COL12A1: variants seen among roughly 807,000 people sequenced by gnomAD.
COL12A1 encodes collagen type XII alpha 1 chain.
Under a neutral mutation model 349.7 loss-of-function variants are expected in COL12A1, and 114 were observed. That is an observed-to-expected ratio of 0.33 (90% CI 0.28 to 0.38). COL12A1 has a LOEUF of 0.38. Ranked by LOEUF, COL12A1 falls within the 10% of genes least tolerant of loss-of-function variation. The probability of loss-of-function intolerance (pLI) is 1.00; values close to 1 mark genes in which losing one functional copy is unlikely to be tolerated. For missense variants in COL12A1, 3,284 were observed against 3,756.9 expected (o/e 0.87, Z 3.29); for synonymous variants, 1,369 against 1,329.0 (o/e 1.03, Z -0.66).
chr6:75,179,896 A>C (rs1769172857), intron 11 of COL12A1, among the ~76,000 whole-genome samples: 1 of 152,260 alleles, frequency 6.6e-6, no homozygotes, highest in African/African-American at 2.4e-5. Flanking sequence ...TACACATGTA[A>C]ACAAATACTG....
At position 75,154,796 on chromosome 6, in the gene COL12A1, C is replaced by A. The variant is rs1009427754; in HGVS notation, c.3444-259G>T. ...TTCACAGCACTGGTTTCTGTCTTGC[C>A]TTTCTAGCAGATGCAGAGTCTCTAC... On this transcript the variant is annotated intron_variant, in intron 16 of 65. Coordinates refer to ENST00000322507, the MANE Select transcript of COL12A1 (RefSeq NM_004370.6). 2.0e-5 allele frequency among the ~76,000 whole-genome samples: 3 copies of A among 152,174 alleles called. No individual in the cohort carries two copies. In the South Asian group the frequency reaches 6.2e-4, roughly 32 times the overall value.
At chr6:75,102,514 G>T in intron 56 of COL12A1, 83 bp downstream of exon 56, 2 of 1,119,928 alleles carry the variant, frequency 1.8e-6, no homozygotes, top group South Asian at 2.7e-5. Context: ...GAAAACATTT[G>T]ATTTGGCAAA....
In COL12A1 at chr6:75,192,251, C is replaced by G; in HGVS notation, c.295G>C (p.Glu99Gln). The change falls in exon 4 of 66, where the codon GAA (glutamate) becomes CAA (glutamine). Residue 99 changes from glutamate (E) to glutamine (Q), a missense_variant. By Grantham distance (29) the Glu-to-Gln change is conservative. Coordinates refer to ENST00000322507, the MANE Select transcript of COL12A1 (RefSeq NM_004370.6). Reference protein sequence around the residue: ...EYVVTITSYDEVEESVPVIGQ... With the variant: ...EYVVTITSYDQVEESVPVIGQ... ...ATAACTGGTACACTTTCTTCTACTTCATCATATGAAGTTATTGTCACCACA... is the reference window on the plus strand; with the variant it reads ...ATAACTGGTACACTTTCTTCTACTTGATCATATGAAGTTATTGTCACCACA... The G allele has an allele frequency of 6.2e-7, 1 of 1,608,418 alleles. No homozygotes were observed.
At chr6:75,178,049 T>G in intron 11 of COL12A1, 114 bp from the exon 12 acceptor site, 1 of 1,004,264 alleles carries the variant, frequency 1.0e-6, no homozygotes, top group Non-Finnish European at 1.4e-6. Context: ...AAGAAATCCA[T>G]GAGCAATTTA....
At chr6:75,135,719 A>G (rs990019053) in intron 31 of COL12A1, among the ~76,000 whole-genome samples, 1 of 152,198 alleles carries the variant, frequency 6.6e-6, no homozygotes, top group Non-Finnish European at 1.5e-5. Context: ...TTCCAGAGAA[A>G]AACCCAGTGA....
chr6:75,129,180 G>A (rs887450545), intron 37 of COL12A1, among the ~76,000 whole-genome samples: 3 of 152,148 alleles, frequency 2.0e-5, no homozygotes, highest in African/African-American at 7.2e-5. Flanking sequence ...TCTCTGCTTT[G>A]GCAAACTAAC....
intron 39 of COL12A1, 52 bp downstream of exon 39, chr6:75,126,299 T>C: frequency 6.4e-7 from 1 of 1,573,474 alleles, no homozygotes; most frequent in South Asian, 1.1e-5. Flanking sequence ...AATACCCTCA[T>C]ATGCAAATAA....
Position 75,189,352 on chromosome 6 carries a change from T to A in COL12A1, c.688A>T (p.Thr230Ser). The change falls in exon 7 of 66, where the codon ACT (threonine) becomes TCT (serine). Residue 230 changes from threonine to serine, a missense_variant. Coordinates refer to ENST00000322507, the MANE Select transcript of COL12A1 (RefSeq NM_004370.6). ...GDAIDYLVKNTFTESAGARVG... is the reference protein window; with the variant it reads ...GDAIDYLVKNSFTESAGARVG... ...CTTGCCCCAGCAGATTCCGTGAAAGTATTTTTAACTAAATAATCAATGGCA... is the reference window on the plus strand; with the variant it reads ...CTTGCCCCAGCAGATTCCGTGAAAGAATTTTTAACTAAATAATCAATGGCA... 1 of 1,612,902 alleles carries A rather than the reference T, an allele frequency of 6.2e-7. No individual in the cohort carries two copies. The highest frequency in any genetic ancestry group is 8.5e-7 in the Non-Finnish European group (1 of 1,179,410).
At chr6:75,113,488 A>G (rs1768934110) in intron 50 of COL12A1, 114 bp downstream of exon 50, 2 of 1,047,350 alleles carry the variant, frequency 1.9e-6, no homozygotes, top group South Asian at 5.1e-5. Flanking sequence ...TCAAACATAA[A>G]AGTATATATC....
intron 49 of COL12A1, among the ~76,000 whole-genome samples, chr6:75,114,245 A>G (rs930912124): frequency 2.0e-5 from 3 of 151,942 alleles, no homozygotes; most frequent in African/African-American, 7.2e-5. Context: ...CCTATCAGTA[A>G]TACTTTTTAC....
intron 30 of COL12A1, 50 bp downstream of exon 30, chr6:75,138,270 A>G (rs764354905): frequency 3.9e-6 from 6 of 1,525,428 alleles, no homozygotes; most frequent in Non-Finnish European, 5.4e-6. Context: ...TCATTTATAC[A>G]TTCATTCATT....
chr6:75,134,200 A>C (rs1766464338), intron 32 of COL12A1, among the ~76,000 whole-genome samples: 1 of 152,226 alleles, frequency 6.6e-6, no homozygotes, highest in African/African-American at 2.4e-5. Context: ...TTTTGGTCTT[A>C]GAGCACCTTT....
intron 59 of COL12A1, among the ~76,000 whole-genome samples, chr6:75,095,917 T>C (rs1454929119): frequency 6.6e-6 from 1 of 152,108 alleles, no homozygotes; most frequent in Non-Finnish European, 1.5e-5. Context: ...ATTAAGAAGG[T>C]GGCCAGTTTT....
chr6:75,183,978 CG>C lies in COL12A1; in HGVS notation c.1163del (p.Thr388SerfsTer20). On this transcript the variant is annotated frameshift_variant, in exon 9 of 66. Transcript: ENST00000322507. LOFTEE classifies it high-confidence loss of function. Reference protein sequence around the residue: ...HALSVGPQTTTLSVRDLSADT... With the variant: ...HALSVGPQTTXLSVRDLSADT... ...CTGCTGAGAGGTCGCGAACACTGAG[CG>C]TGGTTGTCTGAGGCCCCACACTCAG... 1 of 1,614,164 alleles carries C rather than the reference CG, an allele frequency of 6.2e-7. No homozygotes were observed. Among genetic ancestry groups the C allele is most frequent in the Non-Finnish European group, 8.5e-7 (1 of 1,180,034 alleles).
At chr6:75,102,553 T>C (rs755434089) in intron 56 of COL12A1, 44 bp downstream of exon 56, 42 of 1,361,080 alleles carry the variant, frequency 3.1e-5, no homozygotes, top group Non-Finnish European at 3.9e-5. Context: ...TAACTAAATG[T>C]TTATCCACCA....
At chr6:75,205,640 C>T (rs240366) in intron 1 of COL12A1, 137 bp downstream of exon 1, 133,634 of 152,414 alleles carry the variant, frequency 0.88, 59,029 homozygotes, top group Non-Finnish European at 0.93. Context: ...CTCTAGCCCA[C>T]CTACACTATT....
chr6:75,175,565 C>T lies in COL12A1; in HGVS notation c.2438-255G>A, dbSNP rs898250491. ...AAGGTTAAAATCTTCCATGTAAAAT[C>T]TTTCATGTTAGAATATTTCCTATAA... On this transcript the variant is annotated intron_variant, in intron 12 of 65. Coordinates refer to ENST00000322507, the MANE Select transcript of COL12A1 (RefSeq NM_004370.6). Among the ~76,000 whole-genome samples the T allele has an allele frequency of 1.2e-4, 18 of 152,284 alleles. No individual in the cohort carries two copies. In the East Asian group the frequency reaches 3.3e-3, roughly 28 times the overall value.
intron 47 of COL12A1, 102 bp downstream of exon 47, chr6:75,117,255 GTTCTCAAGTGATTTCCCAGGATCTA>G: frequency 2.2e-6 from 2 of 890,952 alleles, no homozygotes; most frequent in Non-Finnish European, 3.4e-6. Flanking sequence ...GATTCATCAG[GTTCTCAAGTGATTTCCCAGGATCTA>G]TTTATGCACA....
intron 1 of COL12A1, among the ~76,000 whole-genome samples, chr6:75,203,273 T>C (rs569497778): frequency 1.8e-3 from 278 of 152,330 alleles, no homozygotes; most frequent in Non-Finnish European, 3.1e-3. Flanking sequence ...TTTGGAAAAG[T>C]ATAATAAACC....
Sources: allele counts gnomAD v4.1 joint callset (sites outside exome capture counted in the v4.1 genomes callset), GRCh38; gene constraint gnomAD v4.1.1; transcripts MANE v1.5; gene names NCBI Gene and HGNC (gene_info 2026-07-23, HGNC 2026-07-21).